The following TMED10 variants were observed in gnomAD, a reference collection of about 807,000 sequenced individuals.
The protein encoded by TMED10 is transmembrane p24 trafficking protein 10, also known as transmembrane emp24 domain-containing protein 10.
Under a neutral mutation model 23.1 loss-of-function variants are expected in TMED10, and 7 were observed. The ratio of observed to expected loss-of-function variants is 0.30; its 90% CI spans 0.17 to 0.57. TMED10 has a LOEUF of 0.57. Among genes scored for constraint, TMED10 ranks in the 20% least tolerant of loss-of-function variants. TMED10 has a pLI of 0.91. For synonymous variants in TMED10, 113 were observed against 106.9 expected (o/e 1.06, Z -0.35); for missense variants, 162 against 274.8 (o/e 0.59, Z 2.90).
At chr14:75,140,659 G>T (rs1004688014) in intron 3 of TMED10, among the ~76,000 whole-genome samples, 1 of 152,192 alleles carries the variant, frequency 6.6e-6, no homozygotes, top group Non-Finnish European at 1.5e-5. Flanking sequence ...AGTGAGCTGA[G>T]ATGGCACCGC....
chr14:75,153,121 C>CA (rs1039500569), intron 1 of TMED10, among the ~76,000 whole-genome samples: 15 of 149,610 alleles, frequency 1.0e-4, no homozygotes, highest in East Asian at 4.0e-4. Flanking sequence ...GATTCTGTCT[C>CA]AAAAAAAAAG....
chr14:75,141,692 G>A (rs778636574), intron 3 of TMED10, among the ~76,000 whole-genome samples: 2 of 152,142 alleles, frequency 1.3e-5, no homozygotes, highest in Non-Finnish European at 2.9e-5. Flanking sequence ...TATTCTGTAA[G>A]TACTAGAAAT....
At position 75,134,887 on chromosome 14, in the gene TMED10, A is replaced by C; in HGVS notation, c.658T>G (p.Ter220GluextTer1). The change falls in exon 5 of 5, where the codon TAA becomes GAA. Residue 220 changes from the stop codon to glutamate, a stop_lost. Transcript: ENST00000303575. ...RFFKAKKLIE* is the reference protein window; with the variant it reads ...RFFKAKKLIEE The stretch of plus-strand genomic sequence containing the variant: ...GGGAGGAGAATATGCCTCATTCATT[A>C]CTCAATCAATTTCTTGGCCTTGAAG... 1 of 1,613,924 alleles carries C rather than the reference A, an allele frequency of 6.2e-7. No homozygotes were observed. The highest frequency in any genetic ancestry group is 8.5e-7 in the Non-Finnish European group (1 of 1,179,878).
intron 3 of TMED10, 120 bp downstream of exon 3, chr14:75,147,544 C>A (rs753226840): frequency 4.7e-6 from 5 of 1,059,976 alleles, no homozygotes; most frequent in Admixed American, 1.7e-5. Context: ...CTGGCTGTCA[C>A]AAGACTGCTA....
intron 1 of TMED10, among the ~76,000 whole-genome samples, chr14:75,164,667 C>T (rs1896139257): frequency 7.0e-6 from 1 of 143,242 alleles, no homozygotes; most frequent in Admixed American, 7.4e-5. Flanking sequence ...AGGCAATCCG[C>T]CTGCCTCAGC....
chr14:75,159,927 G>A (rs1237023034), intron 1 of TMED10, among the ~76,000 whole-genome samples: 1 of 152,134 alleles, frequency 6.6e-6, no homozygotes, highest in Non-Finnish European at 1.5e-5. Flanking sequence ...GAGGCTGAAG[G>A]CAAAGGGCCC....
At position 75,164,395 on chromosome 14, in the gene TMED10, C is replaced by G. The variant is rs28649690; in HGVS notation, c.225+11960G>C. On this transcript the variant is annotated intron_variant, in intron 1 of 4. Transcript: ENST00000303575. ...TACAGGTGTGCGCCACCAGGCCCGGCTAATTTTTTATTTTTTAAGTAGAGA... is the reference window on the plus strand; with the variant it reads ...TACAGGTGTGCGCCACCAGGCCCGGGTAATTTTTTATTTTTTAAGTAGAGA... Among the ~76,000 whole-genome samples, 5 of 150,882 alleles carry G rather than the reference C, an allele frequency of 3.3e-5. No homozygotes were observed. In the East Asian group the frequency reaches 9.7e-4, roughly 29 times the overall value.
chr14:75,154,213 G>A (rs1485812490), intron 1 of TMED10, among the ~76,000 whole-genome samples: 9 of 122,618 alleles, frequency 7.3e-5, no homozygotes, highest in Non-Finnish European at 1.4e-4. Flanking sequence ...CCAACATGGT[G>A]AAACCCCGTC....
chr14:75,142,147 G>A (rs1377998999), intron 3 of TMED10, among the ~76,000 whole-genome samples: 1 of 152,138 alleles, frequency 6.6e-6, no homozygotes, highest in African/African-American at 2.4e-5. Context: ...GGAAGCATGA[G>A]GTATGTTTTG....
At chr14:75,175,917 C>T (rs2139867746) in intron 1 of TMED10, 1 of 223,790 alleles carries the variant, frequency 4.5e-6, no homozygotes, top group Admixed American at 5.3e-5. Flanking sequence ...ACTGACACAG[C>T]AGATGCTCAA....
chr14:75,152,220 G>T, intron 1 of TMED10, 77 bp from the exon 2 acceptor site: 1 of 1,156,814 alleles, frequency 8.6e-7, no homozygotes, highest in Non-Finnish European at 1.3e-6. Context: ...GGAAGATAGA[G>T]ACACTATCTA....
At chr14:75,170,773 T>C (rs1043491588) in intron 1 of TMED10, among the ~76,000 whole-genome samples, 1 of 152,246 alleles carries the variant, frequency 6.6e-6, no homozygotes. Context: ...TGATAAATTT[T>C]AGGATAATCA....
In TMED10 at chr14:75,150,319, C is replaced by T. The variant is rs372003996; in HGVS notation, c.337+1713G>A. 9.4e-4 allele frequency among the ~76,000 whole-genome samples: 143 copies of T among 152,262 alleles called. 1 individual carries two copies. The South Asian group carries it at 0.013, about 14-fold the overall frequency. On this transcript the variant is annotated intron_variant, in intron 2 of 4. Coordinates refer to ENST00000303575, the MANE Select transcript of TMED10 (RefSeq NM_006827.6). Reference sequence around the variant, plus strand: ...CAAATCCAATGTGTAATCCTGATTACGACATTGTCCATGGAAGATGTACTT... The same window carrying T: ...CAAATCCAATGTGTAATCCTGATTATGACATTGTCCATGGAAGATGTACTT...
At chr14:75,169,921 G>A (rs193277021) in intron 1 of TMED10, among the ~76,000 whole-genome samples, 18 of 152,058 alleles carry the variant, frequency 1.2e-4, no homozygotes, top group Non-Finnish European at 2.2e-4. Context: ...TGAAGCAGTC[G>A]TCAAAATATA....
chr14:75,175,482 A>G (rs557636130), intron 1 of TMED10, among the ~76,000 whole-genome samples: 5 of 152,294 alleles, frequency 3.3e-5, no homozygotes, highest in African/African-American at 1.2e-4. Context: ...AATCTATTCC[A>G]TCGCAAGGAC....
intron 1 of TMED10, among the ~76,000 whole-genome samples, chr14:75,154,401 C>CAAAAAAAAAA (rs1166201835): frequency 0.069 from 1,054 of 15,254 alleles, 475 homozygotes; most frequent in East Asian, 0.19. Context: ...GACTCTGTCT[C>CAAAAAAAAAA]AAAAAAAAAA....
intron 1 of TMED10, among the ~76,000 whole-genome samples, chr14:75,171,761 T>A (rs1485211039): frequency 4.1e-5 from 2 of 48,680 alleles, no homozygotes; most frequent in African/African-American, 1.6e-4. Flanking sequence ...AAATCCCTGA[T>A]GTTTTAGGCC....
At position 75,134,626 on chromosome 14, in the gene TMED10, T is replaced by G. The variant is rs1027669936; in HGVS notation, c.*259A>C. 1 of 370,942 alleles carries G rather than the reference T, an allele frequency of 2.7e-6. No homozygotes were observed. Among genetic ancestry groups the G allele is most frequent in the East Asian group, 5.0e-5 (1 of 19,838 alleles). The allele number at this position is 370,942 out of a possible 1,614,324, so 23.0% of individuals were successfully genotyped here. A position where few individuals can be genotyped will look rare whatever the true frequency, so the allele number is the denominator to read the frequency against. On this transcript the variant is annotated 3_prime_UTR_variant, in exon 5 of 5. Transcript: ENST00000303575. ...TTGGCATTATCTAGGTAACCCCTAT[T>G]TTTTGTCATAGGTGACTCTAATAAT...
chr14:75,142,085 T>A (rs1895829510), intron 3 of TMED10, among the ~76,000 whole-genome samples: 2 of 152,198 alleles, frequency 1.3e-5, no homozygotes, highest in South Asian at 4.1e-4. Flanking sequence ...TGCCAAATTA[T>A]ACATGTTTCA....
Sources: allele counts gnomAD v4.1 joint callset (sites outside exome capture counted in the v4.1 genomes callset), GRCh38; gene constraint gnomAD v4.1.1; transcripts MANE v1.5; gene names NCBI Gene and HGNC (gene_info 2026-07-23, HGNC 2026-07-21).